Variants in NOVA1 observed in about 807,000 individuals in gnomAD.
NOVA1 encodes the protein RNA-binding protein Nova-1.
NOVA1 carries 7 observed loss-of-function variants against 38.0 expected under a neutral mutation model. That is an observed-to-expected ratio of 0.18 (90% CI 0.10 to 0.35). NOVA1 has a LOEUF of 0.35. Among genes scored for constraint, NOVA1 ranks in the 10% least tolerant of loss-of-function variants. NOVA1 has a pLI of 1.00. For synonymous variants in NOVA1, 270 were observed against 232.5 expected, an observed-to-expected ratio of 1.16 and a Z score of -1.47; for missense variants, 460 against 616.0, an observed-to-expected ratio of 0.75 and a Z score of 2.68.
chr14:26,460,352 A>G (rs1883550583), intron 4 of NOVA1, among the ~76,000 whole-genome samples: 1 of 152,022 alleles, frequency 6.6e-6, no homozygotes, highest in Admixed American at 6.6e-5. Context: ...CCATTTAACA[A>G]ACTGTACTAT....
chr14:26,446,182 T>C lies in NOVA1; in HGVS notation c.*1777A>G, dbSNP rs1205538823. 6.6e-6 allele frequency: 1 copy of C among 151,942 alleles called. No individual in the cohort carries two copies. The highest frequency in any genetic ancestry group is 1.5e-5 in the Non-Finnish European group (1 of 67,946). The allele number at this position is 151,942 out of a possible 1,614,324, so 9.4% of individuals were successfully genotyped here. A position where few individuals can be genotyped will look rare whatever the true frequency, so the allele number is the denominator to read the frequency against. ...TAAAAAAAAAAAAATGAGTCTACTC[T>C]TACAGTTTGACAGAAATGAATTATT... On this transcript the variant is annotated 3_prime_UTR_variant, in exon 5 of 5. Coordinates refer to ENST00000539517, the MANE Select transcript of NOVA1 (RefSeq NM_002515.3).
Position 26,480,000 on chromosome 14 carries a change from C to T in NOVA1, c.424G>A (p.Val142Ile), listed in dbSNP as rs1026520049. 10 of 1,613,932 alleles carry T rather than the reference C, an allele frequency of 6.2e-6. No individual in the cohort carries two copies. The highest frequency in any genetic ancestry group is 2.2e-5 in the East Asian group (1 of 44,852). Reference protein sequence around the residue: ...PVSILQPQTTVNPDRIKQTLP... With the variant: ...PVSILQPQTTINPDRIKQTLP... ...ACTTGTTTGATGCGATCTGGATTAA[C>T]GGTGGTCTGGGGTTGTAGAATGCTG... The change falls in exon 3 of 5, where the codon GTT becomes ATT. Residue 142 changes from valine to isoleucine, a missense_variant. Transcript: ENST00000539517.
chr14:26,569,305 C>T (rs1027231745), intron 2 of NOVA1, among the ~76,000 whole-genome samples: 3 of 152,074 alleles, frequency 2.0e-5, no homozygotes, highest in Admixed American at 6.5e-5. Context: ...AATTAATGAA[C>T]CTTGTAAAGT....
intron 2 of NOVA1, among the ~76,000 whole-genome samples, chr14:26,525,767 C>T (rs1310215412): frequency 6.6e-6 from 1 of 152,012 alleles, no homozygotes; most frequent in Non-Finnish European, 1.5e-5. Context: ...ACATTCTCAC[C>T]TCATAAATAT....
rs562175036 is a variant in NOVA1, at chr14:26,550,614, A to T, written c.280+44796T>A. ...CAAATTCAATAATTATTCTCTGAGA[A>T]ATATCACTGAATCAAAAGGCTGTAA... On this transcript the variant is annotated intron_variant, in intron 2 of 4. Transcript: ENST00000539517. Among the ~76,000 whole-genome samples the T allele has an allele frequency of 2.0e-5, 3 of 152,278 alleles. No homozygotes were observed. The East Asian group carries it at 5.8e-4, about 29-fold the overall frequency.
chr14:26,519,539 A>C (rs1888720307), intron 2 of NOVA1: 1 of 152,196 alleles, frequency 6.6e-6, no homozygotes, highest in Non-Finnish European at 1.5e-5. Flanking sequence ...TTTTCGTAGA[A>C]TTAGACTGTT....
intron 2 of NOVA1, among the ~76,000 whole-genome samples, chr14:26,562,723 C>T (rs1467300526): frequency 6.6e-6 from 1 of 152,088 alleles, no homozygotes; most frequent in African/African-American, 2.4e-5. Flanking sequence ...AATGTTAGCG[C>T]TGAATACTGA....
intron 2 of NOVA1, among the ~76,000 whole-genome samples, chr14:26,481,467 A>G (rs1885443975): frequency 6.6e-6 from 1 of 152,118 alleles, no homozygotes. Context: ...TATCATTAAT[A>G]CTTCTAGAAG....
At chr14:26,590,589 A>G (rs1209358439) in intron 2 of NOVA1, among the ~76,000 whole-genome samples, 1 of 151,832 alleles carries the variant, frequency 6.6e-6, no homozygotes, top group African/African-American at 2.4e-5. Flanking sequence ...ACAACATAAA[A>G]TACATAAGTT....
At chr14:26,465,365 T>G (rs1270021697) in intron 4 of NOVA1, among the ~76,000 whole-genome samples, 1 of 152,082 alleles carries the variant, frequency 6.6e-6, no homozygotes, top group African/African-American at 2.4e-5. Flanking sequence ...AGTAGAAGGT[T>G]TCACCATGTT....
intron 2 of NOVA1, among the ~76,000 whole-genome samples, chr14:26,524,706 G>A (rs1889172212): frequency 6.6e-6 from 1 of 152,142 alleles, no homozygotes; most frequent in Admixed American, 6.5e-5. Context: ...AAATGTGAAG[G>A]AGTCAATGAT....
At chr14:26,479,702 ATT>A (rs956901464) in intron 3 of NOVA1, 4 of 390,334 alleles carry the variant, frequency 1.0e-5, no homozygotes, top group South Asian at 1.3e-4. Flanking sequence ...TATAAATTAA[ATT>A]TGTGTCTATA....
intron 3 of NOVA1, among the ~76,000 whole-genome samples, chr14:26,476,753 G>C (rs1398962254): frequency 7.9e-6 from 1 of 126,862 alleles, no homozygotes; most frequent in African/African-American, 3.0e-5. Flanking sequence ...CTTCGCTCTT[G>C]TTGCCCAGGC....
chr14:26,478,909 T>C (rs1885209145), intron 3 of NOVA1: 1 of 151,902 alleles, frequency 6.6e-6, no homozygotes, highest in African/African-American at 2.4e-5. Flanking sequence ...AGTCTATAAT[T>C]TGAAAATATA....
chr14:26,485,578 A>C (rs1005911335), intron 2 of NOVA1, among the ~76,000 whole-genome samples: 2 of 152,118 alleles, frequency 1.3e-5, no homozygotes, highest in Admixed American at 1.3e-4. Context: ...TTGTGGTCTA[A>C]AGTGCTATAA....
chr14:26,452,088 A>C (rs1882728793), intron 4 of NOVA1, among the ~76,000 whole-genome samples: 1 of 152,240 alleles, frequency 6.6e-6, no homozygotes, highest in South Asian at 2.1e-4. Context: ...AAAAAGTTTC[A>C]AAATTTAATA....
chr14:26,597,179 G>A (rs1444174047), intron 1 of NOVA1, 122 bp downstream of exon 1: 6 of 1,180,448 alleles, frequency 5.1e-6, no homozygotes, highest in Non-Finnish European at 6.4e-6. Context: ...CGCCGGGTTC[G>A]GGCTGGAGGT....
At position 26,525,168 on chromosome 14, in the gene NOVA1, T is replaced by C. The variant is rs143836645; in HGVS notation, c.281-45025A>G. Among the ~76,000 whole-genome samples the C allele has an allele frequency of 3.9e-3, 591 of 152,280 alleles. 3 individuals carry two copies. Among genetic ancestry groups the C allele is most frequent in the African/African-American group, 0.014 (566 of 41,576 alleles). ...ACCCAAATACATCTGTCCAGTGCTA[T>C]GTAATAAGAAAAACATCTGTCTGTT... is the stretch of plus-strand genomic sequence containing the variant. On this transcript the variant is annotated intron_variant, in intron 2 of 4. Coordinates refer to ENST00000539517, the MANE Select transcript of NOVA1 (RefSeq NM_002515.3).
At chr14:26,581,642 TG>T (rs1893231308) in intron 2 of NOVA1, among the ~76,000 whole-genome samples, 1 of 151,978 alleles carries the variant, frequency 6.6e-6, no homozygotes, top group Admixed American at 6.6e-5. Context: ...TTCCTTTCAA[TG>T]GCAAAATTTT....
Sources: allele counts gnomAD v4.1 joint callset (sites outside exome capture counted in the v4.1 genomes callset), GRCh38; gene constraint gnomAD v4.1.1; transcripts MANE v1.5; gene names NCBI Gene and HGNC (gene_info 2026-07-23, HGNC 2026-07-21).